The following USP10 variants were observed in gnomAD, a reference collection of about 807,000 sequenced individuals.
USP10 encodes the protein ubiquitin carboxyl-terminal hydrolase 10.
Under a neutral mutation model 84.5 loss-of-function variants are expected in USP10, and 22 were observed. The observed-to-expected ratio is 0.26, with a 90% CI of 0.19 to 0.37. The LOEUF is 0.37. Ranked by LOEUF, USP10 falls within the 10% of genes least tolerant of loss-of-function variation. USP10 has a pLI of 1.00. For missense variants in USP10, 1,019 were observed against 998.9 expected (o/e 1.02, Z -0.27); for synonymous variants, 454 against 387.6 (o/e 1.17, Z -2.01).
intron 1 of USP10, among the ~76,000 whole-genome samples, chr16:84,715,848 C>T (rs987895481): frequency 1.3e-5 from 2 of 152,106 alleles, no homozygotes; most frequent in African/African-American, 2.4e-5. Context: ...TTCTGCCTGT[C>T]AGTATTATCC....
chr16:84,724,590 T>C (rs1908216112), intron 1 of USP10, among the ~76,000 whole-genome samples: 1 of 152,202 alleles, frequency 6.6e-6, no homozygotes, highest in Non-Finnish European at 1.5e-5. Flanking sequence ...AAAATTTTGC[T>C]ATAGCCCTAT....
intron 4 of USP10, among the ~76,000 whole-genome samples, chr16:84,752,218 C>T (rs911048590): frequency 1.3e-5 from 2 of 152,270 alleles, no homozygotes; most frequent in Admixed American, 1.3e-4. Context: ...GCAGCCCCAC[C>T]AACTCCTGTG....
At chr16:84,750,226 A>C (rs1224483663) in intron 4 of USP10, among the ~76,000 whole-genome samples, 1 of 151,970 alleles carries the variant, frequency 6.6e-6, no homozygotes, top group Admixed American at 6.6e-5. Flanking sequence ...TGGCCAACAT[A>C]GGGAAATCCC....
At chr16:84,746,707 A>C (rs951642629) in intron 4 of USP10, among the ~76,000 whole-genome samples, 1 of 152,210 alleles carries the variant, frequency 6.6e-6, no homozygotes, top group Non-Finnish European at 1.5e-5. Context: ...GACAGTACTG[A>C]GCAAAGCCGA....
intron 1 of USP10, among the ~76,000 whole-genome samples, chr16:84,726,213 C>G (rs1908452271): frequency 2.6e-5 from 4 of 152,334 alleles, no homozygotes; most frequent in South Asian, 4.1e-4. Context: ...CTGCAGCGCC[C>G]CCTAGTGCCG....
In USP10 at chr16:84,726,760, A is replaced by T. The variant is rs79214942; in HGVS notation, c.22-6675A>T. On this transcript the variant is annotated intron_variant, in intron 1 of 13. Coordinates refer to ENST00000219473, the MANE Select transcript of USP10 (RefSeq NM_005153.3). ...GGAATAAATAGCTTCTCTAGTTCACAGTCTTACTTCCCCTAAAAAGGGGAA... is the reference window on the plus strand; with the variant it reads ...GGAATAAATAGCTTCTCTAGTTCACTGTCTTACTTCCCCTAAAAAGGGGAA... Among the ~76,000 whole-genome samples, 835 of 152,358 alleles carry T rather than the reference A, an allele frequency of 5.5e-3. 9 individuals are homozygous for T. Among genetic ancestry groups the T allele is most frequent in the African/African-American group, 0.019 (802 of 41,594 alleles).
At chr16:84,778,206 C>G (rs938182832) in intron 13 of USP10, among the ~76,000 whole-genome samples, 1 of 152,016 alleles carries the variant, frequency 6.6e-6, no homozygotes, top group African/African-American at 2.4e-5. Context: ...TGCCCCACCA[C>G]AGCTCCACGC....
intron 2 of USP10, among the ~76,000 whole-genome samples, chr16:84,738,567 C>A (rs1338353038): frequency 1.3e-5 from 2 of 152,144 alleles, no homozygotes; most frequent in African/African-American, 4.8e-5. Flanking sequence ...GTGGAATGGT[C>A]TTTGCCTTGC....
intron 13 of USP10, among the ~76,000 whole-genome samples, chr16:84,775,896 G>C (rs890741806): frequency 5.6e-5 from 4 of 71,186 alleles, no homozygotes; most frequent in Admixed American, 5.5e-4. Flanking sequence ...CATCTTTTAT[G>C]CCTCTGAGTC....
chr16:84,775,571 C>A (rs1029387016), intron 13 of USP10, among the ~76,000 whole-genome samples: 1 of 152,182 alleles, frequency 6.6e-6, no homozygotes, highest in South Asian at 2.1e-4. Context: ...TGTGGAGTTT[C>A]CACGACACCT....
At chr16:84,756,683 A>G (rs1250084120) in intron 4 of USP10, among the ~76,000 whole-genome samples, 2 of 152,226 alleles carry the variant, frequency 1.3e-5, no homozygotes, top group African/African-American at 4.8e-5. Context: ...TAAAAATACT[A>G]TGGCAAAGCC....
At chr16:84,700,302 C>A (rs1198777440) in intron 1 of USP10, among the ~76,000 whole-genome samples, 191 bp downstream of exon 1, 4 of 151,934 alleles carry the variant, frequency 2.6e-5, no homozygotes, top group African/African-American at 7.2e-5. Context: ...GTCCCCTGAG[C>A]CACCCGGACC....
chr16:84,758,059 A>G (rs1912790782), intron 4 of USP10, among the ~76,000 whole-genome samples: 1 of 152,226 alleles, frequency 6.6e-6, no homozygotes, highest in South Asian at 2.1e-4. Flanking sequence ...TAATACACAG[A>G]AAGAGTGATG....
chr16:84,766,747 C>G (rs1480919529), intron 10 of USP10, among the ~76,000 whole-genome samples: 1 of 152,222 alleles, frequency 6.6e-6, no homozygotes, highest in Non-Finnish European at 1.5e-5. Context: ...GCCACATCCT[C>G]TGAGGGGTCT....
At chr16:84,708,677 A>C (rs1229184847) in intron 1 of USP10, among the ~76,000 whole-genome samples, 1 of 152,220 alleles carries the variant, frequency 6.6e-6, no homozygotes, top group African/African-American at 2.4e-5. Context: ...CAATGGCAAA[A>C]AACAAAACAC....
chr16:84,724,541 T>G (rs1908209950), intron 1 of USP10, among the ~76,000 whole-genome samples: 1 of 152,214 alleles, frequency 6.6e-6, no homozygotes, highest in Non-Finnish European at 1.5e-5. Flanking sequence ...GTCTACTTTG[T>G]TCGCTTCTCA....
At chr16:84,757,359 AGAG>A (rs1239890365) in intron 4 of USP10, among the ~76,000 whole-genome samples, 7 of 150,560 alleles carry the variant, frequency 4.6e-5, no homozygotes, top group African/African-American at 1.2e-4. Context: ...GTTAGAAGGA[AGAG>A]GACATTTATT....
At chr16:84,732,980 AG>A in intron 1 of USP10, 1 of 421,736 alleles carries the variant, frequency 2.4e-6, no homozygotes, top group South Asian at 1.7e-5. Context: ...ATCATTAATC[AG>A]GATCATTAAC....
intron 3 of USP10, among the ~76,000 whole-genome samples, chr16:84,743,089 T>C (rs1206347939): frequency 2.0e-4 from 30 of 152,152 alleles, no homozygotes; most frequent in Admixed American, 2.0e-3. Context: ...CATCAGGGAA[T>C]AGGGGATGTA....
Sources: gnomAD v4.1 joint callset for allele counts (sites outside exome capture counted in the v4.1 genomes callset) on GRCh38, gnomAD v4.1.1 for gene constraint, MANE v1.5 for transcripts, NCBI Gene and HGNC (gene_info 2026-07-23, HGNC 2026-07-21) for gene names.